DUSP22: variants seen among roughly 807,000 people sequenced by gnomAD.
DUSP22 encodes the protein dual specificity protein phosphatase 22.
DUSP22 carries 24 observed loss-of-function variants against 24.5 expected under a neutral mutation model. The ratio of observed to expected loss-of-function variants is 0.98; its 90% CI spans 0.71 to 1.38. DUSP22 has a LOEUF of 1.38. Among genes scored for constraint, DUSP22 ranks in the 40% most tolerant of loss-of-function variants. The pLI, the probability that DUSP22 is intolerant of heterozygous loss-of-function variation, is 0.00. For synonymous variants in DUSP22, 160 were observed against 106.4 expected, an observed-to-expected ratio of 1.50 and a Z score of -3.10; for missense variants, 330 against 269.2, an observed-to-expected ratio of 1.23 and a Z score of -1.58.
intron 3 of DUSP22, chr6:325,356 A>C (rs1758811542): frequency 5.6e-6 from 1 of 177,786 alleles, no homozygotes; most frequent in African/African-American, 3.2e-5. Context: ...TGGTGTGTGC[A>C]GTGCTGTATC....
chr6:347,795 G>A (rs1410433719), intron 5 of DUSP22, among the ~76,000 whole-genome samples: 4 of 152,304 alleles, frequency 2.6e-5, no homozygotes, highest in Admixed American at 6.5e-5. Context: ...TCGTTTGTCC[G>A]GGGAAATGGG....
At chr6:309,897 T>C (rs1757994120) in intron 2 of DUSP22, among the ~76,000 whole-genome samples, 2 of 152,416 alleles carry the variant, frequency 1.3e-5, no homozygotes, top group Middle Eastern at 3.4e-3. Flanking sequence ...TCCCATGCCA[T>C]GAAATAGTCT....
intron 4 of DUSP22, among the ~76,000 whole-genome samples, chr6:339,331 T>C (rs558041644): frequency 3.3e-5 from 5 of 152,428 alleles, no homozygotes; most frequent in South Asian, 2.1e-4. Context: ...GGGTTTTTTA[T>C]AGTATTAGGT....
chr6:330,414 C>T (rs567635384), intron 3 of DUSP22, among the ~76,000 whole-genome samples: 1 of 152,306 alleles, frequency 6.6e-6, no homozygotes, highest in Non-Finnish European at 1.5e-5. Flanking sequence ...GTCAGCTGGG[C>T]TCTTGAGAAG....
At chr6:296,583 C>T (rs1278110983) in intron 1 of DUSP22, among the ~76,000 whole-genome samples, 2 of 152,302 alleles carry the variant, frequency 1.3e-5, no homozygotes, top group African/African-American at 4.8e-5. Flanking sequence ...ACTCAAAGTT[C>T]TCTCGAGTCT....
At chr6:332,994 A>G (rs963598856) in intron 3 of DUSP22, among the ~76,000 whole-genome samples, 12 of 152,306 alleles carry the variant, frequency 7.9e-5, no homozygotes, top group Non-Finnish European at 1.5e-4. Context: ...GGAGGTGATC[A>G]ATGTATGTGC....
chr6:297,916 T>C (rs1205326652), intron 1 of DUSP22, among the ~76,000 whole-genome samples: 4 of 152,308 alleles, frequency 2.6e-5, no homozygotes, highest in Non-Finnish European at 4.4e-5. Context: ...CATATTGTTA[T>C]TGAACACAGT....
chr6:311,236 A>G (rs1334337304), intron 2 of DUSP22, among the ~76,000 whole-genome samples: 7 of 152,424 alleles, frequency 4.6e-5, no homozygotes, highest in African/African-American at 1.7e-4. Flanking sequence ...AGATGGCTTC[A>G]AGGTAACCAT....
At chr6:313,495 C>T (rs1306633977) in intron 3 of DUSP22, among the ~76,000 whole-genome samples, 1 of 152,304 alleles carries the variant, frequency 6.6e-6, no homozygotes, top group East Asian at 1.9e-4. Flanking sequence ...GAGCTGTGGG[C>T]AAACTGTGTT....
At chr6:320,967 G>A (rs1362088440) in intron 3 of DUSP22, among the ~76,000 whole-genome samples, 1 of 152,306 alleles carries the variant, frequency 6.6e-6, no homozygotes, top group Non-Finnish European at 1.5e-5. Context: ...CAACATTAAG[G>A]ATTGACAGGC....
chr6:309,255 A>C (rs1054632252), intron 2 of DUSP22, among the ~76,000 whole-genome samples: 1 of 152,422 alleles, frequency 6.6e-6, no homozygotes, highest in African/African-American at 2.4e-5. Context: ...GTGAGAGGAC[A>C]CTGCTATTAT....
At chr6:296,588 G>A (rs1035327041) in intron 1 of DUSP22, among the ~76,000 whole-genome samples, 3 of 152,416 alleles carry the variant, frequency 2.0e-5, no homozygotes, top group East Asian at 3.8e-4. Flanking sequence ...AAGTTCTCTC[G>A]AGTCTGAACC....
chr6:303,592 G>A (rs1757683642), intron 1 of DUSP22, among the ~76,000 whole-genome samples: 1 of 152,298 alleles, frequency 6.6e-6, no homozygotes, highest in South Asian at 2.1e-4. Flanking sequence ...GGCAGACAGT[G>A]GGGGCGAGGC....
rs757934935 is a variant in DUSP22, at chr6:342,253, C to G, written c.189-3601C>G. ...TCATTCATTTCTAGATTTGCTTTTGCTTTTTTGGCTGCTCTGCGTACAGAC... is the reference window on the plus strand; with the variant it reads ...TCATTCATTTCTAGATTTGCTTTTGGTTTTTTGGCTGCTCTGCGTACAGAC... On this transcript the variant is annotated intron_variant, in intron 4 of 6. Transcript: ENST00000419235. 2.0e-5 allele frequency among the ~76,000 whole-genome samples: 3 copies of G among 152,296 alleles called. No homozygotes were observed. In the East Asian group the frequency reaches 5.8e-4, roughly 29 times the overall value.
At chr6:340,365 C>T (rs1759552840) in intron 4 of DUSP22, among the ~76,000 whole-genome samples, 1 of 152,310 alleles carries the variant, frequency 6.6e-6, no homozygotes, top group African/African-American at 2.4e-5. Flanking sequence ...GCTTCACCAT[C>T]AGCCTTCCAG....
At chr6:333,805 C>A (rs374537575) in intron 3 of DUSP22, among the ~76,000 whole-genome samples, 2 of 152,414 alleles carry the variant, frequency 1.3e-5, no homozygotes, top group Admixed American at 6.5e-5. Context: ...GTGTGCTTCC[C>A]GGATCCCACT....
At chr6:306,789 C>T (rs373561267) in intron 2 of DUSP22, among the ~76,000 whole-genome samples, 37 of 152,416 alleles carry the variant, frequency 2.4e-4, no homozygotes, top group African/African-American at 8.7e-4. Flanking sequence ...GTGTCCCTGC[C>T]CTCAGGCTAT....
chr6:350,899 C>T lies in DUSP22; in HGVS notation c.*1948C>T. 1 of 1,613,780 alleles carries T rather than the reference C, an allele frequency of 6.2e-7. No homozygotes were observed. The highest frequency in any genetic ancestry group is 1.3e-5 in the African/African-American group (1 of 75,090). Reference sequence around the variant, plus strand: ...CTGAAGTTTCTGAAATATTGCAAACCCACAGAGTTTAGGCTGGTGCTGCCA... The same window carrying T: ...CTGAAGTTTCTGAAATATTGCAAACTCACAGAGTTTAGGCTGGTGCTGCCA... On this transcript the variant is annotated 3_prime_UTR_variant, in exon 7 of 7. Coordinates refer to ENST00000419235, the MANE Select transcript of DUSP22 (RefSeq NM_001286555.3).
At chr6:292,948 C>T (rs910924221) in intron 1 of DUSP22, among the ~76,000 whole-genome samples, 1 of 152,292 alleles carries the variant, frequency 6.6e-6, no homozygotes, top group African/African-American at 2.4e-5. Context: ...ACCGCCCCCC[C>T]CACATCATTA....
Sources: gnomAD v4.1 joint callset for allele counts (sites outside exome capture counted in the v4.1 genomes callset) on GRCh38, gnomAD v4.1.1 for gene constraint, MANE v1.5 for transcripts, NCBI Gene and HGNC (gene_info 2026-07-23, HGNC 2026-07-21) for gene names.